WDR1: variants seen among roughly 807,000 people sequenced by gnomAD.
WDR1 encodes WD repeat-containing protein 1.
Under a neutral mutation model 71.9 loss-of-function variants are expected in WDR1, and 21 were observed. The observed-to-expected ratio is 0.29, with a 90% CI of 0.21 to 0.42. WDR1 has a LOEUF of 0.42. WDR1 is among the 10% of genes least tolerant of loss of function. WDR1 has a pLI of 1.00. For synonymous variants in WDR1, 424 were observed against 347.4 expected, an observed-to-expected ratio of 1.22 and a Z score of -2.45; for missense variants, 696 against 824.5, an observed-to-expected ratio of 0.84 and a Z score of 1.91.
intron 12 of WDR1, 72 bp from the exon 13 acceptor site, chr4:10,077,998 G>T (rs991270481): frequency 2.8e-5 from 41 of 1,464,354 alleles, no homozygotes; most frequent in East Asian, 5.0e-5. Context: ...GTGAAGGGGG[G>T]GTCGAGGGCT....
intron 5 of WDR1, chr4:10,096,184 C>A (rs931835595): frequency 6.6e-6 from 1 of 152,232 alleles, no homozygotes; most frequent in Non-Finnish European, 1.5e-5. Flanking sequence ...TAATGCACAG[C>A]TGCAGAGTGG....
At chr4:10,103,280 AC>A (rs1712812090) in intron 3 of WDR1, among the ~76,000 whole-genome samples, 1 of 87,884 alleles carries the variant, frequency 1.1e-5, no homozygotes, top group Admixed American at 1.3e-4. Flanking sequence ...ACACACACAC[AC>A]ACACACAGAC....
intron 4 of WDR1, 27 bp from the exon 5 acceptor site, chr4:10,097,918 CAAAAAAA>C: frequency 4.1e-6 from 5 of 1,209,924 alleles, no homozygotes; most frequent in South Asian, 2.0e-5. Flanking sequence ...AGGTGGAAGA[CAAAAAAA>C]AAAAAAAAAA....
intron 2 of WDR1, among the ~76,000 whole-genome samples, chr4:10,111,495 C>T (rs1383819878): frequency 2.0e-5 from 3 of 152,198 alleles, no homozygotes; most frequent in African/African-American, 4.8e-5. Flanking sequence ...AGCTCGTTTG[C>T]ACCCAGGTGA....
chr4:10,081,327 T>G (rs1286866251), intron 11 of WDR1, 30 bp downstream of exon 11: 2 of 1,605,052 alleles, frequency 1.2e-6, no homozygotes, highest in African/African-American at 1.3e-5. Flanking sequence ...AGCTGCAGGC[T>G]CCCACCCAAA....
At position 10,103,993 on chromosome 4, in the gene WDR1, G is replaced by A; in HGVS notation, c.139-7C>T. The A allele has an allele frequency of 1.3e-6, 2 of 1,590,800 alleles. No homozygotes were observed. Among genetic ancestry groups the A allele is most frequent in the Non-Finnish European group, 1.7e-6 (2 of 1,168,918 alleles). ...TGTCAGCAAGGGCTGGGTTCTGCAG[G>A]AGGAGACCCCGGAATGAACAGAAGG... On this transcript the variant is annotated splice_region_variant and splice_polypyrimidine_tract_variant and intron_variant, in intron 2 of 14. Coordinates refer to ENST00000499869, the MANE Select transcript of WDR1 (RefSeq NM_017491.5).
chr4:10,085,407 T>C (rs1175056307), intron 8 of WDR1, among the ~76,000 whole-genome samples: 1 of 152,194 alleles, frequency 6.6e-6, no homozygotes, highest in African/African-American at 2.4e-5. Context: ...GCTACTTTCA[T>C]CTTTTCCACA....
chr4:10,115,569 C>G (rs1301804220), intron 2 of WDR1, among the ~76,000 whole-genome samples: 2 of 152,160 alleles, frequency 1.3e-5, no homozygotes, highest in Non-Finnish European at 2.9e-5. Context: ...CAAAGTGCAC[C>G]AGGCACCGCT....
Position 10,087,939 on chromosome 4 carries a change from A to G in WDR1, c.719T>C (p.Ile240Thr). The part of the protein sequence containing the change: ...SKAHDGGIYA[I>T]SWSPDSTHLL... ...ATGGGTGCTGTCGGGACTCCAACTA[A>G]TCTATTCAGAAAAAAGCAGTGTGTC... Residue 240 changes from isoleucine to threonine, a missense_variant and splice_region_variant, in exon 8 of 15, where the codon ATT (isoleucine) becomes ACT (threonine). Transcript: ENST00000499869. 3.9e-6 allele frequency: 6 copies of G among 1,550,782 alleles called. No homozygotes were observed. The highest frequency in any genetic ancestry group is 5.2e-6 in the Non-Finnish European group (6 of 1,146,482).
At chr4:10,082,594 C>T (rs1393420054) in intron 10 of WDR1, among the ~76,000 whole-genome samples, 1 of 152,036 alleles carries the variant, frequency 6.6e-6, no homozygotes, top group Admixed American at 6.6e-5. Flanking sequence ...TCACTGTGTG[C>T]CCATCTCACC....
chr4:10,090,023 A>G (rs1711866625), intron 5 of WDR1, among the ~76,000 whole-genome samples: 1 of 152,214 alleles, frequency 6.6e-6, no homozygotes, highest in Admixed American at 6.5e-5. Context: ...CTGGACACAG[A>G]TACAGAGTTG....
At chr4:10,116,014 G>A (rs2303401) in intron 2 of WDR1, 99 bp downstream of exon 2, 21 of 1,487,286 alleles carry the variant, frequency 1.4e-5, no homozygotes, top group Admixed American at 2.0e-5. Context: ...CACCCTCCCC[G>A]GGCCAATGGG....
intron 3 of WDR1, among the ~76,000 whole-genome samples, chr4:10,102,770 G>A (rs1446903298): frequency 2.0e-5 from 3 of 152,272 alleles, no homozygotes; most frequent in Admixed American, 6.5e-5. Context: ...ATAGGGCCAC[G>A]GCGTGCATGA....
intron 10 of WDR1, 63 bp from the exon 11 acceptor site, chr4:10,081,507 C>T (rs1242132587): frequency 7.4e-6 from 11 of 1,486,354 alleles, no homozygotes; most frequent in East Asian, 2.3e-5. Flanking sequence ...GGTATGCATA[C>T]ATATTTACTG....
At chr4:10,097,558 C>T (rs1377731530) in intron 5 of WDR1, among the ~76,000 whole-genome samples, 153 bp downstream of exon 5, 1 of 152,246 alleles carries the variant, frequency 6.6e-6, no homozygotes, top group Non-Finnish European at 1.5e-5. Context: ...GGGGAGCCCT[C>T]CCTCTCTCTG....
In WDR1 at chr4:10,103,927, A is replaced by C; in HGVS notation, c.198T>G (p.Tyr66Ter). The stretch of plus-strand genomic sequence containing the variant: ...AGGCAATGTAGAATCCGCTGGGCGC[A>C]TACTTGGCCACCACCACCTGATGGG... The part of the protein sequence containing the change: ...EHAHQVVVAK[Y>*]APSGFYIASG... The change falls in exon 3 of 15, where the codon TAT becomes TAG. Residue 66 changes from tyrosine (Y) to a stop codon, truncating the protein, a stop_gained. Coordinates refer to ENST00000499869, the MANE Select transcript of WDR1 (RefSeq NM_017491.5). LOFTEE classifies it high-confidence loss of function. 6.2e-7 allele frequency: 1 copy of C among 1,600,070 alleles called. No homozygotes were observed. The highest frequency in any genetic ancestry group is 8.5e-7 in the Non-Finnish European group (1 of 1,173,668).
intron 7 of WDR1, 152 bp downstream of exon 7, chr4:10,088,141 A>G: frequency 1.1e-6 from 1 of 908,122 alleles, no homozygotes; most frequent in South Asian, 1.5e-5. Flanking sequence ...CCTTATTGCG[A>G]CCTTAAAGCT....
chr4:10,081,915 T>C (rs1765030459), intron 10 of WDR1, among the ~76,000 whole-genome samples: 1 of 152,204 alleles, frequency 6.6e-6, no homozygotes, highest in East Asian at 1.9e-4. Flanking sequence ...TCAAAACTTG[T>C]TCTAGAAAGA....
At chr4:10,116,357 T>G in intron 1 of WDR1, 123 bp from the exon 2 acceptor site, 1 of 1,398,380 alleles carries the variant, frequency 7.2e-7, no homozygotes. Context: ...GAGGGCGGCC[T>G]CCACTTTCCA....
Sources: gnomAD v4.1 joint callset for allele counts (sites outside exome capture counted in the v4.1 genomes callset) on GRCh38, gnomAD v4.1.1 for gene constraint, MANE v1.5 for transcripts, NCBI Gene and HGNC (gene_info 2026-07-23, HGNC 2026-07-21) for gene names.